Variants in ZC3H12D observed in about 807,000 individuals in gnomAD.
ZC3H12D encodes probable ribonuclease ZC3H12D.
In ZC3H12D, 11 loss-of-function variants were observed where a neutral mutation model predicts 24.2. That is an observed-to-expected ratio of 0.46 (90% CI 0.29 to 0.75). ZC3H12D has a LOEUF of 0.75. Ranked by LOEUF, ZC3H12D falls within the 30% of genes least tolerant of loss-of-function variation. The pLI, the probability that ZC3H12D is intolerant of heterozygous loss-of-function variation, is 0.11. For synonymous variants in ZC3H12D, 333 were observed against 341.8 expected, an observed-to-expected ratio of 0.97 and a Z score of 0.28; for missense variants, 740 against 767.7, an observed-to-expected ratio of 0.96 and a Z score of 0.43.
intron 3 of ZC3H12D, among the ~76,000 whole-genome samples, chr6:149,460,624 C>G (rs1776057104): frequency 6.6e-6 from 1 of 151,918 alleles, no homozygotes; most frequent in South Asian, 2.1e-4. Flanking sequence ...CACCTGAGGT[C>G]AGGAGTTCAA....
rs1775816561 is a variant in ZC3H12D at position 149,448,067 on chromosome 6, A to G, written c.*2616T>C. On this transcript the variant is annotated 3_prime_UTR_variant, in exon 6 of 6. Coordinates refer to ENST00000409806, the MANE Select transcript of ZC3H12D (RefSeq NM_207360.3). ...AGCACTTTGGGAGGCTGAGGCGGGG[A>G]TCACAAGGTCAGGAGATCGAGACCA... 1.3e-5 allele frequency: 2 copies of G among 152,110 alleles called. No homozygotes were observed. The highest frequency in any genetic ancestry group is 4.1e-4 in the South Asian group (2 of 4,828). The allele number at this position is 152,110 out of a possible 1,614,324, so 9.4% of individuals were successfully genotyped here.
Position 149,452,542 on chromosome 6 carries a change from T to A in ZC3H12D, c.787+74A>T. 1 of 1,282,758 alleles carries A rather than the reference T, an allele frequency of 7.8e-7. No individual in the cohort carries two copies. Among genetic ancestry groups the A allele is most frequent in the East Asian group, 2.9e-5 (1 of 34,658 alleles). 79.5% of individuals were successfully genotyped at this position (1,282,758 alleles called of 1,614,324 possible). A position where few individuals can be genotyped will look rare whatever the true frequency, so the allele number is the denominator to read the frequency against. Reference sequence around the variant, plus strand: ...AGGCCGCTGAGCACCAGGCCAGCGCTTTTTGACTGTGCTCCTGTACTGCCC... The same window carrying A: ...AGGCCGCTGAGCACCAGGCCAGCGCATTTTGACTGTGCTCCTGTACTGCCC... On this transcript the variant is annotated intron_variant, in intron 5 of 5. Coordinates refer to ENST00000409806, the MANE Select transcript of ZC3H12D (RefSeq NM_207360.3). The surrounding 1 kb of genome is among the most constrained non-coding windows in gnomAD (Gnocchi z 4.0).
Position 149,456,616 on chromosome 6 carries a change from G to GGGTGAGGGCCC in ZC3H12D, c.680+49_680+50insGGGCCCTCACC. The GGGTGAGGGCCC allele has an allele frequency of 5.3e-6, 6 of 1,130,394 alleles. No individual in the cohort carries two copies. The highest frequency in any genetic ancestry group is 7.9e-6 in the Non-Finnish European group (6 of 763,256). The allele number at this position is 1,130,394 out of a possible 1,614,324, so 70.0% of individuals were successfully genotyped here. On this transcript the variant is annotated intron_variant, in intron 4 of 5. Coordinates refer to ENST00000409806, the MANE Select transcript of ZC3H12D (RefSeq NM_207360.3). This position sits in a 1 kb window ranked among gnomAD's most constrained non-coding sequence, Gnocchi z 4.3. ...AGGCGTGGCCACTGCCTCGACCCCG[G>GGGTGAGGGCCC]CCCCCCGCCCCGCCGCCCCCCAGGG... is the stretch of plus-strand genomic sequence containing the variant.
chr6:149,453,323 C>T (rs929766520), intron 4 of ZC3H12D, among the ~76,000 whole-genome samples: 4 of 150,984 alleles, frequency 2.6e-5, no homozygotes, highest in Admixed American at 2.0e-4. Context: ...TGACAGCCTC[C>T]GAGCTTCGCG....
intron 3 of ZC3H12D, among the ~76,000 whole-genome samples, chr6:149,458,148 T>TTTTTTTTTTTTTTTTTTTTTTTTTTC (rs1562472760): frequency 7.8e-6 from 1 of 128,082 alleles, no homozygotes; most frequent in African/African-American, 3.6e-5. Context: ...TTTTTTTTTT[T>TTTTTTTTTTTTTTTTTTTTTTTTTTC]TTTTTGAGAC....
At chr6:149,458,124 G>GTTTTTTTTTTTTT (rs1562472740) in intron 3 of ZC3H12D, among the ~76,000 whole-genome samples, 4 of 37,596 alleles carry the variant, frequency 1.1e-4, no homozygotes, top group South Asian at 6.8e-4. Context: ...TTTTTTTTTC[G>GTTTTTTTTTTTTT]TTTCTTTTTT....
intron 1 of ZC3H12D, among the ~76,000 whole-genome samples, chr6:149,475,919 CA>C (rs200722311): frequency 2.0e-4 from 31 of 151,892 alleles, no homozygotes; most frequent in Non-Finnish European, 2.8e-4. Flanking sequence ...CGATATATTT[CA>C]AAAAAAATTT....
Position 149,484,909 on chromosome 6 carries a change from A to C in ZC3H12D, c.-167T>G, listed in dbSNP as rs1158544333. On this transcript the variant is annotated 5_prime_UTR_variant, in exon 1 of 6. Transcript: ENST00000409806. The stretch of plus-strand genomic sequence containing the variant: ...CTCCCGTCAGTGAGGCCAGGCCCCC[A>C]GGTGCCACTGGAGTCAGAGGAGGGC... 1 of 152,268 alleles carries C rather than the reference A, an allele frequency of 6.6e-6. No individual in the cohort carries two copies. The highest frequency in any genetic ancestry group is 1.5e-5 in the Non-Finnish European group (1 of 68,084). The allele number at this position is 152,268 out of a possible 1,614,324, so 9.4% of individuals were successfully genotyped here. A position where few individuals can be genotyped will look rare whatever the true frequency, so the allele number is the denominator to read the frequency against.
intron 2 of ZC3H12D, among the ~76,000 whole-genome samples, chr6:149,464,795 G>A (rs994814029): frequency 6.6e-6 from 1 of 152,206 alleles, no homozygotes; most frequent in African/African-American, 2.4e-5. Context: ...TCCAAACACA[G>A]GCATAACTGA....
chr6:149,468,060 C>G (rs1182714941), intron 2 of ZC3H12D, among the ~76,000 whole-genome samples: 2 of 152,198 alleles, frequency 1.3e-5, no homozygotes, highest in Non-Finnish European at 2.9e-5. Flanking sequence ...CAGCTCACCA[C>G]AACCTCCACC....
At chr6:149,466,617 C>A (rs908324387) in intron 2 of ZC3H12D, among the ~76,000 whole-genome samples, 3 of 152,180 alleles carry the variant, frequency 2.0e-5, no homozygotes, top group African/African-American at 7.2e-5. Context: ...GTGGCTCACG[C>A]CTGTAATCCC....
rs891152177 is a variant in ZC3H12D at position 149,451,426 on chromosome 6, G to A, written c.841C>T (p.His281Tyr). The A allele has an allele frequency of 6.3e-7, 1 of 1,575,564 alleles. No homozygotes were observed. Among genetic ancestry groups the A allele is most frequent in the Non-Finnish European group, 8.5e-7 (1 of 1,170,616 alleles). ...TCGGCCACCGCCAGTTGCGCGTGGT[G>A]CGGCCTCTCCGGGTGGTAGAACTTG... ...KCKFYHPERP[H>Y]HAQLAVADEL... Residue 281 changes from histidine to tyrosine, a missense_variant, in exon 6 of 6, where the codon CAC (histidine) becomes TAC (tyrosine). By Grantham distance (83) the His-to-Tyr change is moderately conservative. Coordinates refer to ENST00000409806, the MANE Select transcript of ZC3H12D (RefSeq NM_207360.3).
At chr6:149,474,037 G>A (rs1342103356) in intron 2 of ZC3H12D, among the ~76,000 whole-genome samples, 5 of 152,020 alleles carry the variant, frequency 3.3e-5, no homozygotes, top group Non-Finnish European at 7.4e-5. Context: ...TATCCCAACC[G>A]TACAGATGGG....
intron 2 of ZC3H12D, among the ~76,000 whole-genome samples, chr6:149,468,130 C>T (rs1776190068): frequency 6.6e-6 from 1 of 152,156 alleles, no homozygotes; most frequent in African/African-American, 2.4e-5. Context: ...TACAAGCATG[C>T]ATCACCACAC....
rs1046272053 is a variant in ZC3H12D, at chr6:149,475,711, G to A, written c.-70-1098C>T. 1.6e-4 allele frequency among the ~76,000 whole-genome samples: 17 copies of A among 108,898 alleles called. No homozygotes were observed. In the South Asian group the frequency reaches 3.5e-3, roughly 22 times the overall value. The allele number at this position is 108,898 out of a possible 152,430, so 71.4% of individuals were successfully genotyped here. On this transcript the variant is annotated intron_variant, in intron 1 of 5. Coordinates refer to ENST00000409806, the MANE Select transcript of ZC3H12D (RefSeq NM_207360.3). ...GCCTGGGCAACAAGAGTGAAACTCCGTCTCAAAAAAAAAAAAGGGGCCTGC... is the reference window on the plus strand; with the variant it reads ...GCCTGGGCAACAAGAGTGAAACTCCATCTCAAAAAAAAAAAAGGGGCCTGC...
chr6:149,474,420 G>T lies in ZC3H12D; in HGVS notation c.124C>A (p.Arg42Ser). The T allele has an allele frequency of 6.2e-7, 1 of 1,608,016 alleles. No homozygotes were observed. The highest frequency in any genetic ancestry group is 8.5e-7 in the Non-Finnish European group (1 of 1,175,564). ...LVNDVLQELI[R>S]TGSRPGALEH... ...AGGGCACCCGGGCGGCTGCCCGTGC[G>T]GATAAGCTCCTGCAGCACGTCGTTG... Residue 42 changes from arginine (R) to serine (S), a missense_variant, in exon 2 of 6, where the codon CGC (arginine) becomes AGC (serine). Transcript: ENST00000409806.
In ZC3H12D at chr6:149,456,628, G is replaced by GGGGTGAGGGCC; in HGVS notation, c.680+37_680+38insGGCCCTCACCC. 1 of 787,348 alleles carries GGGGTGAGGGCC rather than the reference G, an allele frequency of 1.3e-6. No homozygotes were observed. The highest frequency in any genetic ancestry group is 2.0e-6 in the Non-Finnish European group (1 of 491,394). 48.8% of individuals were successfully genotyped at this position (787,348 alleles called of 1,614,324 possible). A position where few individuals can be genotyped will look rare whatever the true frequency, so the allele number is the denominator to read the frequency against. The stretch of plus-strand genomic sequence containing the variant: ...TGCCTCGACCCCGGCCCCCCGCCCC[G>GGGGTGAGGGCC]CCGCCCCCCAGGGTGTCAGGACCCC... On this transcript the variant is annotated intron_variant, in intron 4 of 5. Coordinates refer to ENST00000409806, the MANE Select transcript of ZC3H12D (RefSeq NM_207360.3). This position sits in a 1 kb window ranked among gnomAD's most constrained non-coding sequence, Gnocchi z 4.3.
At chr6:149,481,709 C>CAAAAAAAA (rs1776428318) in intron 1 of ZC3H12D, among the ~76,000 whole-genome samples, 1 of 148,728 alleles carries the variant, frequency 6.7e-6, no homozygotes, top group Non-Finnish European at 1.5e-5. Context: ...CTTCCCGTTA[C>CAAAAAAAA]ACCTGGTGGG....
chr6:149,451,125 G>A lies in ZC3H12D; in HGVS notation c.1142C>T (p.Ala381Val). 7.4e-7 allele frequency: 1 copy of A among 1,344,846 alleles called. No individual in the cohort carries two copies. The highest frequency in any genetic ancestry group is 1.9e-5 in the South Asian group (1 of 52,232). 83.3% of individuals were successfully genotyped at this position (1,344,846 alleles called of 1,614,324 possible). A position where few individuals can be genotyped will look rare whatever the true frequency, so the allele number is the denominator to read the frequency against. The change falls in exon 6 of 6, where the codon GCG becomes GTG. Residue 381 changes from alanine (A) to valine (V), a missense_variant. Physicochemically the swap from Ala to Val is moderately conservative, Grantham distance 64. Coordinates refer to ENST00000409806, the MANE Select transcript of ZC3H12D (RefSeq NM_207360.3). ...PRLGGPDWVS[A>V]GGRVPGPLSL... is the part of the protein sequence containing the mutation. Reference sequence around the variant, plus strand: ...GAGCGGGCCTGGCACCCGGCCGCCCGCGGACACCCAGTCGGGCCCGCCCAG... The same window carrying A: ...GAGCGGGCCTGGCACCCGGCCGCCCACGGACACCCAGTCGGGCCCGCCCAG...
Sources: gnomAD v4.1 joint callset for allele counts (sites outside exome capture counted in the v4.1 genomes callset) on GRCh38, gnomAD v4.1.1 for gene constraint, Gnocchi (gnomAD v3.1) non-coding constraint, MANE v1.5 for transcripts, NCBI Gene and HGNC (gene_info 2026-07-23, HGNC 2026-07-21) for gene names.